RAB5A: variants seen among roughly 807,000 people sequenced by gnomAD.
The protein encoded by RAB5A is ras-related protein Rab-5A.
RAB5A carries 8 observed loss-of-function variants against 25.7 expected under a neutral mutation model. The observed-to-expected ratio is 0.31, with a 90% CI of 0.18 to 0.56. The LOEUF is 0.56. Among genes scored for constraint, RAB5A ranks in the 20% least tolerant of loss-of-function variants. The pLI is 0.91. For synonymous variants in RAB5A, 98 were observed against 89.8 expected (o/e 1.09, Z -0.52); for missense variants, 192 against 259.7 (o/e 0.74, Z 1.79).
intron 2 of RAB5A, among the ~76,000 whole-genome samples, chr3:19,972,055 A>C (rs2125189646): frequency 6.6e-6 from 1 of 152,048 alleles, no homozygotes; most frequent in East Asian, 1.9e-4. Flanking sequence ...CTGAAGTCTG[A>C]AATGCTCCCA....
intron 1 of RAB5A, 100 bp from the exon 2 acceptor site, chr3:19,950,706 T>C (rs1036366363): frequency 1.4e-4 from 73 of 514,978 alleles, no homozygotes; most frequent in African/African-American, 1.2e-3. Flanking sequence ...GAAGGTCTAG[T>C]AGAGTTTAAG....
rs1379467830 is a variant in RAB5A, at chr3:19,975,448, C to G, written c.164-153C>G. 3 of 626,840 alleles carry G rather than the reference C, an allele frequency of 4.8e-6. No homozygotes were observed. The African/African-American group carries it at 5.7e-5, about 12-fold the overall frequency. The allele number at this position is 626,840 out of a possible 1,614,324, so 38.8% of individuals were successfully genotyped here. A position where few individuals can be genotyped will look rare whatever the true frequency, so the allele number is the denominator to read the frequency against. On this transcript the variant is annotated intron_variant, in intron 2 of 5. Coordinates refer to ENST00000273047, the MANE Select transcript of RAB5A (RefSeq NM_004162.5). ...TCTAGGTGTTTTCTTTTTTTTTCCCCCCTCATTTATTACTTTTAACTGACA... is the reference window on the plus strand; with the variant it reads ...TCTAGGTGTTTTCTTTTTTTTTCCCGCCTCATTTATTACTTTTAACTGACA...
chr3:19,976,503 T>G (rs1696826808), intron 4 of RAB5A, among the ~76,000 whole-genome samples: 1 of 152,052 alleles, frequency 6.6e-6, no homozygotes, highest in Non-Finnish European at 1.5e-5. Context: ...CTAACCAACT[T>G]GGAGAAACCC....
At position 19,947,205 on chromosome 3, in the gene RAB5A, C is replaced by G. The variant is rs1182485980; in HGVS notation, c.-410C>G. The G allele has an allele frequency of 6.2e-6, 1 of 161,474 alleles. No homozygotes were observed. Among genetic ancestry groups the G allele is most frequent in the African/African-American group, 2.4e-5 (1 of 41,452 alleles). 10.0% of individuals were successfully genotyped at this position (161,474 alleles called of 1,614,324 possible). A position where few individuals can be genotyped will look rare whatever the true frequency, so the allele number is the denominator to read the frequency against. On this transcript the variant is annotated 5_prime_UTR_variant, in exon 1 of 6. Transcript: ENST00000273047. ...TTTTGGTTCGTGAAGGAGCCGGCGG[C>G]TGGCCTTAGGGGAGGAGGCAGAGGG...
intron 2 of RAB5A, among the ~76,000 whole-genome samples, chr3:19,968,431 T>C (rs1696690636): frequency 6.6e-6 from 1 of 152,160 alleles, no homozygotes. Flanking sequence ...AACTACCCAG[T>C]GTTTTCTTTA....
chr3:19,980,395 A>G (rs186457728), intron 5 of RAB5A, among the ~76,000 whole-genome samples: 25 of 151,824 alleles, frequency 1.6e-4, no homozygotes, highest in African/African-American at 4.6e-4. Context: ...AAGAAAATCT[A>G]TGTTGTAAAT....
intron 2 of RAB5A, among the ~76,000 whole-genome samples, chr3:19,962,697 C>T (rs1376125199): frequency 2.0e-5 from 3 of 152,176 alleles, no homozygotes; most frequent in African/African-American, 7.2e-5. Flanking sequence ...TTTAGATATG[C>T]ACATTGTTGT....
rs76924092 is a variant in RAB5A, at chr3:19,960,733, C to G, written c.163+9672C>G. Among the ~76,000 whole-genome samples the G allele has an allele frequency of 2.6e-3, 400 of 152,304 alleles. 3 individuals carry two copies. Among genetic ancestry groups the G allele is most frequent in the African/African-American group, 9.0e-3 (375 of 41,570 alleles). On this transcript the variant is annotated intron_variant, in intron 2 of 5. Transcript: ENST00000273047. ...GTTGGACTTTGAAAATAAGAATGCT[C>G]TACAAATCAGAATATCTGAAGTAAG...
intron 5 of RAB5A, among the ~76,000 whole-genome samples, chr3:19,981,996 A>G (rs1696937895): frequency 6.6e-6 from 1 of 151,924 alleles, no homozygotes; most frequent in African/African-American, 2.4e-5. Context: ...TAATCCCAAT[A>G]CTTTGAGAGG....
chr3:19,970,073 T>C (rs1418698134), intron 2 of RAB5A, among the ~76,000 whole-genome samples: 2 of 135,610 alleles, frequency 1.5e-5, no homozygotes, highest in Non-Finnish European at 3.3e-5. Flanking sequence ...CCGGCTAATT[T>C]GTATTTTTAG....
intron 2 of RAB5A, among the ~76,000 whole-genome samples, chr3:19,966,981 CAG>C (rs1327661573): frequency 6.6e-6 from 1 of 152,116 alleles, no homozygotes; most frequent in Non-Finnish European, 1.5e-5. Context: ...TTTATAGAGA[CAG>C]AGTCTCACTA....
intron 5 of RAB5A, chr3:19,978,812 C>T (rs1163102840): frequency 6.4e-6 from 1 of 155,548 alleles, no homozygotes; most frequent in Non-Finnish European, 1.4e-5. Flanking sequence ...AAGAACATGA[C>T]ACATAAGTAT....
At chr3:19,971,215 A>AC (rs1471199184) in intron 2 of RAB5A, among the ~76,000 whole-genome samples, 1 of 145,010 alleles carries the variant, frequency 6.9e-6, no homozygotes, top group Non-Finnish European at 1.5e-5. Context: ...AAAAAAAAAA[A>AC]CACTATAGTA....
At chr3:19,954,674 C>T (rs575918458) in intron 2 of RAB5A, among the ~76,000 whole-genome samples, 12 of 151,972 alleles carry the variant, frequency 7.9e-5, no homozygotes, top group Non-Finnish European at 7.4e-5. Flanking sequence ...GAAAATTAAC[C>T]GGGCATGGTG....
At position 19,984,452 on chromosome 3, in the gene RAB5A, C is replaced by G; in HGVS notation, c.*629C>G. ...AAATGGGGTAAAAATCAAATGCAACCCCATCTTGTTTTAGGAATTTTGAGA... is the reference window on the plus strand; with the variant it reads ...AAATGGGGTAAAAATCAAATGCAACGCCATCTTGTTTTAGGAATTTTGAGA... On this transcript the variant is annotated 3_prime_UTR_variant, in exon 6 of 6. Transcript: ENST00000273047. The G allele has an allele frequency of 4.4e-6, 1 of 226,224 alleles. No individual in the cohort carries two copies. Among genetic ancestry groups the G allele is most frequent in the Non-Finnish European group, 8.8e-6 (1 of 113,718 alleles). The allele number at this position is 226,224 out of a possible 1,614,324, so 14.0% of individuals were successfully genotyped here.
chr3:19,949,495 T>G (rs1696391465), intron 1 of RAB5A, among the ~76,000 whole-genome samples: 1 of 152,134 alleles, frequency 6.6e-6, no homozygotes, highest in African/African-American at 2.4e-5. Flanking sequence ...AGCCACTCTG[T>G]CCAGTGTGAA....
At chr3:19,952,987 A>T (rs1348457862) in intron 2 of RAB5A, among the ~76,000 whole-genome samples, 1 of 151,866 alleles carries the variant, frequency 6.6e-6, no homozygotes, top group Admixed American at 6.6e-5. Flanking sequence ...GTATATGTGC[A>T]TTCTGGGTTA....
intron 2 of RAB5A, among the ~76,000 whole-genome samples, chr3:19,958,736 G>C (rs62241288): frequency 0.15 from 23,196 of 152,122 alleles, 1,989 homozygotes; most frequent in Non-Finnish European, 0.2. Context: ...CCCAGCTATT[G>C]AGGCATTAGA....
intron 2 of RAB5A, among the ~76,000 whole-genome samples, chr3:19,953,960 CAT>C (rs1375642403): frequency 6.6e-6 from 1 of 152,190 alleles, no homozygotes; most frequent in East Asian, 1.9e-4. Flanking sequence ...TTTTGACTGT[CAT>C]GTGGTAGAAG....
Sources: allele counts gnomAD v4.1 joint callset (sites outside exome capture counted in the v4.1 genomes callset), GRCh38; gene constraint gnomAD v4.1.1; transcripts MANE v1.5; gene names NCBI Gene and HGNC (gene_info 2026-07-23, HGNC 2026-07-21).